TOM1L1: variants seen among roughly 807,000 people sequenced by gnomAD.
TOM1L1 encodes the protein target of myb1 like 1 membrane trafficking protein.
A neutral mutation model predicts 63.4 loss-of-function variants in TOM1L1; 64 were observed. The ratio of observed to expected loss-of-function variants is 1.01; its 90% CI spans 0.83 to 1.24. The LOEUF (loss-of-function observed/expected upper bound fraction) is 1.24, where lower values mean the gene tolerates loss of function less well. TOM1L1 is among the 50% of genes most tolerant of loss of function. The pLI, the probability that TOM1L1 is intolerant of heterozygous loss-of-function variation, is 0.00. For missense variants in TOM1L1, 536 were observed against 567.0 expected, an observed-to-expected ratio of 0.95 and a Z score of 0.55; for synonymous variants, 166 against 194.4, an observed-to-expected ratio of 0.85 and a Z score of 1.22.
At chr17:54,927,274 G>C (rs933708913) in intron 7 of TOM1L1, among the ~76,000 whole-genome samples, 1 of 152,214 alleles carries the variant, frequency 6.6e-6, no homozygotes, top group African/African-American at 2.4e-5. Context: ...TTGCCATACA[G>C]ATAGTATTTC....
chr17:54,920,514 CAGTGCCTGATAAAGCAGG>C (rs2048666839), intron 7 of TOM1L1, among the ~76,000 whole-genome samples: 1 of 152,070 alleles, frequency 6.6e-6, no homozygotes, highest in African/African-American at 2.4e-5. Flanking sequence ...TGAGACTATT[CAGTGCCTGATAAAGCAGG>C]TGGGATCAGA....
chr17:54,903,718 A>G lies in TOM1L1; in HGVS notation c.69A>G (p.Thr23=), dbSNP rs777549576. The change falls in exon 2 of 16, where the codon ACA becomes ACG. Residue 23 remains threonine, a synonymous_variant. Coordinates refer to ENST00000575882, the MANE Select transcript of TOM1L1 (RefSeq NM_005486.3). ...GCTTTTTCTTGGCAGAAAAGGCTAC[A>G]TTTGCTGGAGTTCAGACTGAAGATT... The part of the protein sequence containing the change: ...TSVGHLIEKA[T]FAGVQTEDWG... The G allele has an allele frequency of 6.2e-7, 1 of 1,614,150 alleles. No homozygotes were observed. The highest frequency in any genetic ancestry group is 1.1e-5 in the South Asian group (1 of 91,086).
At chr17:54,954,393 T>C (rs781048131) in intron 14 of TOM1L1, 15 of 152,212 alleles carry the variant, frequency 9.9e-5, no homozygotes, top group Non-Finnish European at 1.8e-4. Context: ...CCAACAGGCA[T>C]GCTCTGAGTG....
At chr17:54,951,153 T>C (rs1403879126) in intron 14 of TOM1L1, among the ~76,000 whole-genome samples, 1 of 152,236 alleles carries the variant, frequency 6.6e-6, no homozygotes, top group Non-Finnish European at 1.5e-5. Context: ...TTGGGTTTGA[T>C]TAGTTTGCTG....
At chr17:54,920,255 G>A (rs1393072993) in intron 7 of TOM1L1, among the ~76,000 whole-genome samples, 3 of 151,968 alleles carry the variant, frequency 2.0e-5, no homozygotes, top group Admixed American at 1.3e-4. Context: ...AGGGCCCACG[G>A]GCATACTCTG....
Position 54,930,190 on chromosome 17 carries a change from A to G in TOM1L1, c.838A>G (p.Ile280Val), listed in dbSNP as rs755284445. 37 of 1,614,134 alleles carry G rather than the reference A, an allele frequency of 2.3e-5. No homozygotes were observed. The highest frequency in any genetic ancestry group is 3.3e-5 in the Admixed American group (2 of 60,026). ...GGTGAATGAGGATTTGAATAATGCT[A>G]TCCTTGGATATGAGAGGTGAGCAGA... is the stretch of plus-strand genomic sequence containing the variant. Reference protein sequence around the residue: ...IQVNEDLNNAILGYERFTRNQ... With the variant: ...IQVNEDLNNAVLGYERFTRNQ... Residue 280 changes from isoleucine (I) to valine (V), a missense_variant, in exon 8 of 16, where the codon ATC (isoleucine) becomes GTC (valine). Ile to Val is a conservative substitution (Grantham distance 29). Transcript: ENST00000575882.
At chr17:54,904,700 G>A (rs527313281) in intron 2 of TOM1L1, among the ~76,000 whole-genome samples, 104 of 152,340 alleles carry the variant, frequency 6.8e-4, no homozygotes, top group African/African-American at 2.5e-3. Flanking sequence ...TCATTAAGAA[G>A]AGCAAACTGG....
At position 54,961,388 on chromosome 17, in the gene TOM1L1, C is replaced by T; in HGVS notation, c.*155C>T. 2 of 1,548,414 alleles carry T rather than the reference C, an allele frequency of 1.3e-6. No individual in the cohort carries two copies. Among genetic ancestry groups the T allele is most frequent in the South Asian group, 2.4e-5 (2 of 83,848 alleles). On this transcript the variant is annotated 3_prime_UTR_variant, in exon 16 of 16. Coordinates refer to ENST00000575882, the MANE Select transcript of TOM1L1 (RefSeq NM_005486.3). ...CTATAATGAAGATTAAATAGAATAA[C>T]AGTTCCAGGATAACACTGATTCCTG...
chr17:54,903,751 G>C lies in TOM1L1; in HGVS notation c.102G>C (p.Gln34His), dbSNP rs2048364600. 1.2e-6 allele frequency: 2 copies of C among 1,614,228 alleles called. No individual in the cohort carries two copies. Among genetic ancestry groups the C allele is most frequent in the African/African-American group, 2.7e-5 (2 of 75,058 alleles). ...GAGTTCAGACTGAAGATTGGGGCCA[G>C]TTCATGCACATCTGTGACATAATTA... ...FAGVQTEDWG[Q>H]FMHICDIINT... The change falls in exon 2 of 16, where the codon CAG (glutamine) becomes CAC (histidine). Residue 34 changes from glutamine (Q) to histidine (H), a missense_variant. Physicochemically the swap from Gln to His is conservative, Grantham distance 24. Coordinates refer to ENST00000575882, the MANE Select transcript of TOM1L1 (RefSeq NM_005486.3).
At chr17:54,934,214 A>G (rs919550636) in intron 8 of TOM1L1, among the ~76,000 whole-genome samples, 1 of 152,194 alleles carries the variant, frequency 6.6e-6, no homozygotes, top group Non-Finnish European at 1.5e-5. Context: ...TGAGGCCCAC[A>G]AGGAGTTTTC....
chr17:54,908,773 A>G (rs957413809), intron 3 of TOM1L1, among the ~76,000 whole-genome samples: 4 of 152,234 alleles, frequency 2.6e-5, no homozygotes, highest in Admixed American at 2.6e-4. Flanking sequence ...GATAAATCTC[A>G]GCAAGAGGCT....
intron 3 of TOM1L1, among the ~76,000 whole-genome samples, chr17:54,907,116 A>T (rs12936080): frequency 0.028 from 4,157 of 150,474 alleles, 83 homozygotes; most frequent in East Asian, 0.12. Flanking sequence ...TCACATTGGG[A>T]TCTGAATATA....
intron 7 of TOM1L1, among the ~76,000 whole-genome samples, chr17:54,923,759 T>C (rs9912796): frequency 0.059 from 8,972 of 152,010 alleles, 848 homozygotes; most frequent in African/African-American, 0.2. Flanking sequence ...TTGGCCAGGC[T>C]GGTCTCAAAC....
chr17:54,925,391 G>C (rs1356199844), intron 7 of TOM1L1, among the ~76,000 whole-genome samples: 2 of 152,150 alleles, frequency 1.3e-5, no homozygotes, highest in Non-Finnish European at 2.9e-5. Context: ...CATGCCTGTT[G>C]GCTGAACACA....
At chr17:54,924,153 C>T (rs1389542570) in intron 7 of TOM1L1, among the ~76,000 whole-genome samples, 1 of 152,128 alleles carries the variant, frequency 6.6e-6, no homozygotes, top group Non-Finnish European at 1.5e-5. Flanking sequence ...GTGGCACGTG[C>T]TTGCTAACCT....
intron 7 of TOM1L1, among the ~76,000 whole-genome samples, chr17:54,925,419 G>T (rs1187964759): frequency 6.6e-6 from 1 of 152,204 alleles, no homozygotes; most frequent in Non-Finnish European, 1.5e-5. Flanking sequence ...GAAGACAGGG[G>T]ATCTGGCGAT....
At chr17:54,921,737 TAAAAA>T (rs1567826776) in intron 7 of TOM1L1, among the ~76,000 whole-genome samples, 1 of 151,564 alleles carries the variant, frequency 6.6e-6, no homozygotes, top group Non-Finnish European at 1.5e-5. Context: ...TCTCAAAAAA[TAAAAA>T]TAAAATAAAA....
At chr17:54,917,134 T>C (rs1186654862) in intron 7 of TOM1L1, 2 of 152,222 alleles carry the variant, frequency 1.3e-5, no homozygotes, top group Non-Finnish European at 2.9e-5. Context: ...GATGTTTGTT[T>C]AACTTACTTA....
intron 8 of TOM1L1, among the ~76,000 whole-genome samples, chr17:54,933,483 G>C (rs1162433772): frequency 6.6e-6 from 1 of 152,226 alleles, no homozygotes; most frequent in Non-Finnish European, 1.5e-5. Flanking sequence ...AGGAGGTCCT[G>C]ACAACATGCG....
Sources: gnomAD v4.1 joint callset for allele counts (sites outside exome capture counted in the v4.1 genomes callset) on GRCh38, gnomAD v4.1.1 for gene constraint, MANE v1.5 for transcripts, NCBI Gene and HGNC (gene_info 2026-07-23, HGNC 2026-07-21) for gene names.